Variants in QSOX2 observed in about 807,000 individuals in gnomAD.
QSOX2 encodes sulfhydryl oxidase 2.
QSOX2 carries 46 observed loss-of-function variants against 61.7 expected under a neutral mutation model. The ratio of observed to expected loss-of-function variants is 0.75; its 90% CI spans 0.59 to 0.95. The LOEUF is 0.95. Ranked by LOEUF, QSOX2 falls within the 40% of genes least tolerant of loss-of-function variation. QSOX2 has a pLI of 0.00. For synonymous variants in QSOX2, 383 were observed against 388.4 expected, an observed-to-expected ratio of 0.99 and a Z score of 0.16; for missense variants, 879 against 918.9, an observed-to-expected ratio of 0.96 and a Z score of 0.56.
intron 10 of QSOX2, among the ~76,000 whole-genome samples, chr9:136,213,922 C>T (rs1033406476): frequency 2.0e-5 from 3 of 152,096 alleles, no homozygotes; most frequent in Non-Finnish European, 4.4e-5. Context: ...GAAGAACCGC[C>T]CAGCCGAGCC....
chr9:136,234,267 C>T (rs534992045), intron 1 of QSOX2, among the ~76,000 whole-genome samples: 10 of 152,346 alleles, frequency 6.6e-5, no homozygotes, highest in South Asian at 4.1e-4. Context: ...GTCAATCGAC[C>T]GTTTGTCACT....
chr9:136,226,849 T>C lies in QSOX2; in HGVS notation c.354A>G (p.Ala118=). Residue 118 remains alanine (A), a synonymous_variant, in exon 2 of 12, where the codon GCA becomes GCG. Coordinates refer to ENST00000358701, the MANE Select transcript of QSOX2 (RefSeq NM_181701.4). The stretch of plus-strand genomic sequence containing the variant: ...TCTTCTCTTCCATGCAGTCCAGAGC[T>C]GCGACGCGAATGGCACTGGCCCAGT... ...VRDWASAIRV[A]ALDCMEEKNQ... is the part of the protein sequence containing the mutation. 6.2e-7 allele frequency: 1 copy of C among 1,614,188 alleles called. No individual in the cohort carries two copies. The highest frequency in any genetic ancestry group is 8.5e-7 in the Non-Finnish European group (1 of 1,180,010).
intron 8 of QSOX2, 108 bp from the exon 9 acceptor site, chr9:136,216,830 T>G: frequency 7.2e-7 from 1 of 1,384,004 alleles, no homozygotes; most frequent in Non-Finnish European, 9.9e-7. Context: ...GCAGAGGGGC[T>G]GAACCTAGGA....
intron 10 of QSOX2, among the ~76,000 whole-genome samples, chr9:136,212,933 G>A (rs117093696): frequency 0.014 from 2,080 of 152,348 alleles, 22 homozygotes; most frequent in Middle Eastern, 0.031. Context: ...ATATGCTGAT[G>A]GGCGGAAGGA....
At chr9:136,214,934 T>C (rs1412811160) in intron 10 of QSOX2, among the ~76,000 whole-genome samples, 1 of 152,216 alleles carries the variant, frequency 6.6e-6, no homozygotes, top group Non-Finnish European at 1.5e-5. Context: ...ACGTTAGCCA[T>C]GCACATCCTT....
intron 2 of QSOX2, 119 bp from the exon 3 acceptor site, chr9:136,225,028 T>C (rs908299429): frequency 1.8e-4 from 118 of 653,652 alleles, no homozygotes; most frequent in Non-Finnish European, 3.6e-5. Flanking sequence ...TCGGAAAGTT[T>C]TCATAAATTA....
chr9:136,209,245 T>G lies in QSOX2; in HGVS notation c.1580A>C (p.Lys527Thr). The G allele has an allele frequency of 6.2e-7, 1 of 1,613,218 alleles. No individual in the cohort carries two copies. ...GHLSEDPRFP[K>T]LQWPTPDLCP... is the part of the protein sequence containing the mutation. ...GAGGTCCGGAGTGGGCCACTGAAGC[T>G]TTGGAAACCGGGGATCCTCACTCAG... is the stretch of plus-strand genomic sequence containing the variant. The change falls in exon 12 of 12, where the codon AAG (lysine) becomes ACG (threonine). Residue 527 changes from lysine to threonine, a missense_variant. Transcript: ENST00000358701. The surrounding 1 kb of genome is among the most constrained non-coding windows in gnomAD (Gnocchi z 5.6).
chr9:136,227,991 G>A (rs1359704050), intron 1 of QSOX2, among the ~76,000 whole-genome samples: 1 of 152,090 alleles, frequency 6.6e-6, no homozygotes, highest in Non-Finnish European at 1.5e-5. Context: ...TTTAAAGTTT[G>A]TTTGAATCAA....
At chr9:136,211,132 G>T in intron 11 of QSOX2, 132 bp downstream of exon 11, 1 of 1,022,176 alleles carries the variant, frequency 9.8e-7, no homozygotes, top group Non-Finnish European at 1.4e-6. Flanking sequence ...TCCTGATCCC[G>T]TCAGCACAGT....
At chr9:136,237,456 ATCCTGTGCCGGCGACACCTGGAGCCCG>A (rs1387652620) in intron 1 of QSOX2, among the ~76,000 whole-genome samples, 3,943 of 67,698 alleles carry the variant, frequency 0.058, 392 homozygotes, top group African/African-American at 0.069. Flanking sequence ...CCTGGAGCCC[ATCCTGTGCCGGCGACACCTGGAGCCCG>A]TCCTGTGCCG....
chr9:136,242,755 G>A (rs1830442580), intron 1 of QSOX2, among the ~76,000 whole-genome samples: 1 of 152,214 alleles, frequency 6.6e-6, no homozygotes, highest in Non-Finnish European at 1.5e-5. Flanking sequence ...GCCCTAAGTG[G>A]CCCTACTTTG....
rs765744490 is a variant in QSOX2 at position 136,224,073 on chromosome 9, A to G, written c.518T>C (p.Ile173Thr). The G allele has an allele frequency of 6.2e-7, 1 of 1,613,840 alleles. No homozygotes were observed. Among genetic ancestry groups the G allele is most frequent in the Non-Finnish European group, 8.5e-7 (1 of 1,179,972 alleles). The change falls in exon 4 of 12, where the codon ATT becomes ACT. Residue 173 changes from isoleucine (I) to threonine (T), a missense_variant. Coordinates refer to ENST00000358701, the MANE Select transcript of QSOX2 (RefSeq NM_181701.4). ...RELRTVRQTM[I>T]DFLQNHTEGS... Reference sequence around the variant, plus strand: ...TTCCGTGTGGTTCTGCAGGAAGTCAATCATCGTCTGTCTGACTGTTCGCAG... The same window carrying G: ...TTCCGTGTGGTTCTGCAGGAAGTCAGTCATCGTCTGTCTGACTGTTCGCAG...
At chr9:136,237,260 CT>C (rs1161139829) in intron 1 of QSOX2, among the ~76,000 whole-genome samples, 1 of 137,954 alleles carries the variant, frequency 7.2e-6, no homozygotes, top group Non-Finnish European at 1.6e-5. Context: ...CCATCCTGGG[CT>C]GGCGTCACCT....
rs935851470 is a variant in QSOX2, at chr9:136,209,476, C to T, written c.1550-201G>A. ...CAGATAACATCCTGCTTCTGCAGGC[C>T]CCTGCGCACGTGTTCCCCTCTGCCG... On this transcript the variant is annotated intron_variant, in intron 11 of 11. Coordinates refer to ENST00000358701, the MANE Select transcript of QSOX2 (RefSeq NM_181701.4). This position sits in a 1 kb window ranked among gnomAD's most constrained non-coding sequence, Gnocchi z 5.6. The T allele has an allele frequency of 4.1e-6, 4 of 985,294 alleles. No individual in the cohort carries two copies. The African/African-American group carries it at 7.0e-5, about 17-fold the overall frequency. The allele number at this position is 985,294 out of a possible 1,614,324, so 61.0% of individuals were successfully genotyped here.
At chr9:136,213,599 A>C (rs146643386) in intron 10 of QSOX2, among the ~76,000 whole-genome samples, 1 of 151,982 alleles carries the variant, frequency 6.6e-6, no homozygotes, top group South Asian at 2.1e-4. Flanking sequence ...CAGTAATCCA[A>C]TATCACCTTG....
Position 136,209,356 on chromosome 9 carries a change from AC to A in QSOX2, c.1550-82del. On this transcript the variant is annotated intron_variant, in intron 11 of 11. Transcript: ENST00000358701. This position sits in a 1 kb window ranked among gnomAD's most constrained non-coding sequence, Gnocchi z 5.6. The stretch of plus-strand genomic sequence containing the variant: ...TGCAGCGTGCGGCAACCGGACTCCC[AC>A]TCCCACCCACCACGGGCCTCCACTG... 1.9e-6 allele frequency: 3 copies of A among 1,543,432 alleles called. No homozygotes were observed. Among genetic ancestry groups the A allele is most frequent in the Non-Finnish European group, 2.6e-6 (3 of 1,143,570 alleles).
At chr9:136,234,076 C>G (rs1040620337) in intron 1 of QSOX2, among the ~76,000 whole-genome samples, 2 of 150,216 alleles carry the variant, frequency 1.3e-5, no homozygotes, top group East Asian at 3.9e-4. Flanking sequence ...GCAGCCTGGC[C>G]GGGACAAAGG....
intron 8 of QSOX2, among the ~76,000 whole-genome samples, chr9:136,217,258 G>A (rs1333765821): frequency 6.6e-6 from 1 of 152,262 alleles, no homozygotes; most frequent in African/African-American, 2.4e-5. Flanking sequence ...GGAGGCGTCT[G>A]GCTGAGAAGA....
In QSOX2 at chr9:136,219,273, A is replaced by T. The variant is rs73668096; in HGVS notation, c.822-109T>A. ...GGGCCACCCCTTTCATCCTTTGGGC[A>T]TTTATTGGGGCATGGGAGTCAGTGG... On this transcript the variant is annotated intron_variant, in intron 6 of 11. Coordinates refer to ENST00000358701, the MANE Select transcript of QSOX2 (RefSeq NM_181701.4). 254 of 1,347,678 alleles carry T rather than the reference A, an allele frequency of 1.9e-4. No individual in the cohort carries two copies. The African/African-American group carries it at 3.4e-3, about 18-fold the overall frequency. 83.5% of individuals were successfully genotyped at this position (1,347,678 alleles called of 1,614,324 possible).
Sources: allele counts gnomAD v4.1 joint callset (sites outside exome capture counted in the v4.1 genomes callset), GRCh38; gene constraint gnomAD v4.1.1; non-coding constraint Gnocchi (gnomAD v3.1); transcripts MANE v1.5; gene names NCBI Gene and HGNC (gene_info 2026-07-23, HGNC 2026-07-21).